The following CCSER1 variants were observed in gnomAD, a reference collection of about 807,000 sequenced individuals.
The protein encoded by CCSER1 is coiled-coil serine rich protein 1.
CCSER1 carries 41 observed loss-of-function variants against 82.0 expected under a neutral mutation model. The observed-to-expected ratio is 0.50, with a 90% CI of 0.39 to 0.65. The LOEUF (loss-of-function observed/expected upper bound fraction) is 0.65. Ranked by LOEUF, CCSER1 falls within the 30% of genes least tolerant of loss-of-function variation. CCSER1 has a pLI of 0.00. For missense variants in CCSER1, 1,119 were observed against 1,064.2 expected, an observed-to-expected ratio of 1.05 and a Z score of -0.72; for synonymous variants, 414 against 383.9, an observed-to-expected ratio of 1.08 and a Z score of -0.92.
chr4:90,397,205 C>G (rs1172911565), intron 3 of CCSER1, among the ~76,000 whole-genome samples: 4 of 152,110 alleles, frequency 2.6e-5, no homozygotes, highest in African/African-American at 9.7e-5. Context: ...TCATCTAGAC[C>G]AGTGGCAAAT....
intron 7 of CCSER1, among the ~76,000 whole-genome samples, 159 bp from the exon 8 acceptor site, chr4:90,815,603 G>C (rs953093006): frequency 6.6e-6 from 1 of 151,640 alleles, no homozygotes; most frequent in African/African-American, 2.4e-5. Context: ...CTTATTTTTT[G>C]CAACTAAGAA....
At chr4:91,383,906 A>AT (rs1751101654) in intron 10 of CCSER1, among the ~76,000 whole-genome samples, 3 of 152,228 alleles carry the variant, frequency 2.0e-5, no homozygotes, top group South Asian at 4.1e-4. Flanking sequence ...AAAAAGACAA[A>AT]TTTTTTTAAT....
intron 1 of CCSER1, among the ~76,000 whole-genome samples, chr4:90,152,782 T>C (rs1727110485): frequency 6.6e-6 from 1 of 152,098 alleles, no homozygotes; most frequent in Non-Finnish European, 1.5e-5. Flanking sequence ...TGGGATATTC[T>C]GTAGATGATG....
intron 10 of CCSER1, among the ~76,000 whole-genome samples, chr4:91,511,109 T>G (rs1451620017): frequency 6.6e-6 from 1 of 152,160 alleles, no homozygotes; most frequent in Non-Finnish European, 1.5e-5. Flanking sequence ...GCTTAATTTT[T>G]TTTTTATTTT....
chr4:90,732,491 C>T (rs534686055), intron 7 of CCSER1, among the ~76,000 whole-genome samples: 3 of 152,220 alleles, frequency 2.0e-5, no homozygotes, highest in African/African-American at 7.2e-5. Flanking sequence ...GAACCCTGTA[C>T]CTAGTGTATA....
chr4:91,148,662 G>A (rs1346630176), intron 10 of CCSER1, among the ~76,000 whole-genome samples: 2 of 152,100 alleles, frequency 1.3e-5, no homozygotes, highest in African/African-American at 4.8e-5. Flanking sequence ...AGGCCCCGGT[G>A]TGTGATGTTC....
chr4:90,581,822 C>CA (rs1183430311), intron 5 of CCSER1, among the ~76,000 whole-genome samples: 2 of 150,036 alleles, frequency 1.3e-5, no homozygotes, highest in South Asian at 2.1e-4. Flanking sequence ...TGGATTTAGA[C>CA]AAAAAAATAG....
chr4:90,940,205 AAGGTCACCTAACT>A (rs950159389), intron 9 of CCSER1, among the ~76,000 whole-genome samples: 1 of 152,134 alleles, frequency 6.6e-6, no homozygotes, highest in African/African-American at 2.4e-5. Flanking sequence ...CAGACAAGAA[AAGGTCACCTAACT>A]AGGTACAATT....
intron 1 of CCSER1, among the ~76,000 whole-genome samples, chr4:90,243,807 T>C (rs557662559): frequency 1.3e-5 from 2 of 152,138 alleles, no homozygotes; most frequent in Non-Finnish European, 2.9e-5. Flanking sequence ...TATATTATAA[T>C]TTTTTAAAAA....
chr4:90,756,123 G>C (rs1206144783), intron 7 of CCSER1, among the ~76,000 whole-genome samples: 1 of 152,144 alleles, frequency 6.6e-6, no homozygotes, highest in Non-Finnish European at 1.5e-5. Flanking sequence ...AGCTTCTCAG[G>C]AGGCTGAAGC....
intron 6 of CCSER1, among the ~76,000 whole-genome samples, chr4:90,690,208 A>G (rs530140490): frequency 6.6e-5 from 10 of 152,164 alleles, no homozygotes; most frequent in Admixed American, 2.0e-4. Context: ...GCAATAATAT[A>G]TTGATATTGA....
intron 10 of CCSER1, among the ~76,000 whole-genome samples, chr4:91,147,602 T>G (rs529320184): frequency 2.0e-5 from 3 of 152,166 alleles, no homozygotes; most frequent in Non-Finnish European, 4.4e-5. Flanking sequence ...TTGAATTCCC[T>G]CGGGGTTGGA....
chr4:90,998,504 C>A (rs570505309), intron 9 of CCSER1, among the ~76,000 whole-genome samples: 3 of 152,084 alleles, frequency 2.0e-5, no homozygotes, highest in African/African-American at 7.2e-5. Flanking sequence ...AATTACATTT[C>A]GTTTTTAATA....
intron 6 of CCSER1, among the ~76,000 whole-genome samples, chr4:90,713,656 G>T (rs924683242): frequency 1.3e-5 from 2 of 151,702 alleles, no homozygotes; most frequent in African/African-American, 4.8e-5. Flanking sequence ...TCTTACTGGG[G>T]TTCTCTGCAT....
rs114196138 is a variant in CCSER1 at position 90,253,531 on chromosome 4, T to C, written c.-41-54713T>C. The stretch of plus-strand genomic sequence containing the variant: ...GATCCCACTGCCTTATATTCTACAT[T>C]ATTTTTGGTGAAAACTCAGCTGTTA... On this transcript the variant is annotated intron_variant, in intron 1 of 10. Transcript: ENST00000509176. 2.4e-3 allele frequency among the ~76,000 whole-genome samples: 358 copies of C among 152,288 alleles called. 3 individuals are homozygous for C. Among genetic ancestry groups the C allele is most frequent in the African/African-American group, 7.8e-3 (324 of 41,570 alleles).
At chr4:91,086,410 A>G (rs906403821) in intron 10 of CCSER1, among the ~76,000 whole-genome samples, 8 of 152,086 alleles carry the variant, frequency 5.3e-5, no homozygotes, top group African/African-American at 1.9e-4. Context: ...CTTTTGGCAT[A>G]TGCTACTAGG....
intron 5 of CCSER1, among the ~76,000 whole-genome samples, chr4:90,520,885 C>G (rs901594061): frequency 4.6e-5 from 7 of 152,106 alleles, no homozygotes; most frequent in Admixed American, 1.3e-4. Context: ...TCAGCCTGGA[C>G]AACGGAGTGA....
chr4:91,151,663 G>T lies in CCSER1; in HGVS notation c.2217+65669G>T, dbSNP rs552899910. Among the ~76,000 whole-genome samples, 5 of 152,218 alleles carry T rather than the reference G, an allele frequency of 3.3e-5. No homozygotes were observed. In the East Asian group the frequency reaches 9.6e-4, roughly 29 times the overall value. On this transcript the variant is annotated intron_variant, in intron 10 of 10. Coordinates refer to ENST00000509176, the MANE Select transcript of CCSER1 (RefSeq NM_001145065.2). ...GCTTTAACTGTGTCCCAGAGATTCT[G>T]GTATGTTGTGTCTTTGTTCTCATTG...
At chr4:90,159,828 T>A (rs1200534653) in intron 1 of CCSER1, among the ~76,000 whole-genome samples, 6 of 152,214 alleles carry the variant, frequency 3.9e-5, no homozygotes, top group African/African-American at 1.4e-4. Flanking sequence ...AAATAGTGCC[T>A]AACATTTATT....
Sources: gnomAD v4.1 joint callset for allele counts (sites outside exome capture counted in the v4.1 genomes callset) on GRCh38, gnomAD v4.1.1 for gene constraint, MANE v1.5 for transcripts, NCBI Gene and HGNC (gene_info 2026-07-23, HGNC 2026-07-21) for gene names.